The following MYOF variants were observed in gnomAD, a reference collection of about 807,000 sequenced individuals.
The protein encoded by MYOF is fer-1-like 3, myoferlin.
MYOF carries 244 observed loss-of-function variants against 284.2 expected under a neutral mutation model. The ratio of observed to expected loss-of-function variants is 0.86; its 90% confidence interval spans 0.77 to 0.95. The LOEUF is 0.95. Among genes scored for constraint, MYOF ranks in the 40% least tolerant of loss-of-function variants. The pLI is 0.00. For missense variants in MYOF, 2,496 were observed against 2,560.6 expected (o/e 0.97, Z 0.54); for synonymous variants, 904 against 919.7 (o/e 0.98, Z 0.31).
At chr10:93,336,146 G>T in intron 40 of MYOF, 100 bp from the exon 41 acceptor site, 1 of 1,366,296 alleles carries the variant, frequency 7.3e-7, no homozygotes, top group African/African-American at 1.5e-5. Context: ...GTTGTGGATG[G>T]GGCGACCGGA....
intron 39 of MYOF, among the ~76,000 whole-genome samples, chr10:93,339,180 T>A (rs1363718586): frequency 4.6e-5 from 7 of 151,996 alleles, no homozygotes; most frequent in African/African-American, 1.7e-4. Flanking sequence ...ACGAGGCTAC[T>A]TTTTGTATTT....
chr10:93,325,288 A>AT (rs999754555), intron 46 of MYOF, among the ~76,000 whole-genome samples: 2 of 152,106 alleles, frequency 1.3e-5, no homozygotes, highest in Admixed American at 6.5e-5. Flanking sequence ...CTGGAGTGGA[A>AT]TGTCCCCCAT....
In MYOF at chr10:93,333,832, C is replaced by T. The variant is rs762488103; in HGVS notation, c.4645G>A (p.Val1549Ile). ...PRQFRELPDS[V>I]PQECTVRIYI... ...ATCCTAACCGTGCATTCCTGTGGGA[C>T]GCTGTCAGGTAATTCCCGAAACTGT... The change falls in exon 42 of 54, where the codon GTC becomes ATC. Residue 1549 changes from valine (V) to isoleucine (I), a missense_variant. By Grantham distance (29) the Val-to-Ile change is conservative. Coordinates refer to ENST00000359263, the MANE Select transcript of MYOF (RefSeq NM_013451.4). The T allele has an allele frequency of 3.3e-5, 53 of 1,613,966 alleles. No individual in the cohort carries two copies. The highest frequency in any genetic ancestry group is 2.7e-4 in the East Asian group (12 of 44,880).
rs563103088 is a variant in MYOF at position 93,329,012 on chromosome 10, T to C, written c.4983-101A>G. 16 of 1,267,716 alleles carry C rather than the reference T, an allele frequency of 1.3e-5. 1 individual carries two copies. The East Asian group carries it at 2.3e-4, about 19-fold the overall frequency. The allele number at this position is 1,267,716 out of a possible 1,614,324, so 78.5% of individuals were successfully genotyped here. A position where few individuals can be genotyped will look rare whatever the true frequency, so the allele number is the denominator to read the frequency against. On this transcript the variant is annotated intron_variant, in intron 44 of 53. Coordinates refer to ENST00000359263, the MANE Select transcript of MYOF (RefSeq NM_013451.4). Reference sequence around the variant, plus strand: ...TGTACTCTTAGGTGCTCCCATATAGTGGGTGCAGAAAATCTGCGCTACACT... The same window carrying C: ...TGTACTCTTAGGTGCTCCCATATAGCGGGTGCAGAAAATCTGCGCTACACT...
intron 31 of MYOF, among the ~76,000 whole-genome samples, chr10:93,355,303 T>A (rs1844742720): frequency 1.3e-5 from 2 of 152,232 alleles, no homozygotes; most frequent in Non-Finnish European, 2.9e-5. Flanking sequence ...ATGTTTAAAA[T>A]TCACTGCTGG....
In MYOF at chr10:93,374,772, C is replaced by T; in HGVS notation, c.2292G>A (p.Leu764=). ...AGTTTAAAAGTCCTACCTCTTCAGT[C>T]AGCTGCATTAATTTATCAAGCCAGT... ...IEDWLDKLMQ[L]TEEPQNSMPD... Residue 764 remains leucine (L), a synonymous_variant, in exon 23 of 54, where the codon CTG becomes CTA. Coordinates refer to ENST00000359263, the MANE Select transcript of MYOF (RefSeq NM_013451.4). 1 of 1,613,648 alleles carries T rather than the reference C, an allele frequency of 6.2e-7. No homozygotes were observed. Among genetic ancestry groups the T allele is most frequent in the Non-Finnish European group, 8.5e-7 (1 of 1,179,832 alleles).
rs1844488916 is a variant in MYOF, at chr10:93,351,211, G to A, written c.3907C>T (p.Leu1303Phe). ...GAGCAGCATACCTCAATGGCAGTGA[G>A]CTGGACCACAGGCCTGATCCCCTGG... Reference protein sequence around the residue: ...VPQGIRPVVQLTAIEILAWGL... With the variant: ...VPQGIRPVVQFTAIEILAWGL... Residue 1303 changes from leucine to phenylalanine, a missense_variant, in exon 35 of 54, where the codon CTC (leucine) becomes TTC (phenylalanine). Leu to Phe is a conservative substitution (Grantham distance 22). Transcript: ENST00000359263. The A allele has an allele frequency of 1.2e-6, 2 of 1,614,066 alleles. No homozygotes were observed. Among genetic ancestry groups the A allele is most frequent in the South Asian group, 2.2e-5 (2 of 91,086 alleles).
chr10:93,478,840 A>AAGAAAGAAAGAAAGAAAG lies in MYOF; in HGVS notation c.88+3266_88+3267insCTTTCTTTCTTTCTTTCT, dbSNP rs10666333. 1.0e-3 allele frequency among the ~76,000 whole-genome samples: 81 copies of AAGAAAGAAAGAAAGAAAG among 78,070 alleles called. 2 individuals are homozygous for AAGAAAGAAAGAAAGAAAG. The highest frequency in any genetic ancestry group is 0.011 in the Middle Eastern group (2 of 174). The allele number at this position is 78,070 out of a possible 152,430, so 51.2% of individuals were successfully genotyped here. A position where few individuals can be genotyped will look rare whatever the true frequency, so the allele number is the denominator to read the frequency against. ...GAAACAGTCTCAAAAAAAAAAAAAAAAAAGAAAGAAAGAAAGAAAGGGTTT... is the reference window on the plus strand; with the variant it reads ...GAAACAGTCTCAAAAAAAAAAAAAAAAGAAAGAAAGAAAGAAAGAAAGAAAGAAAGAAAGAAAGGGTTT... On this transcript the variant is annotated intron_variant, in intron 1 of 53. Transcript: ENST00000359263.
At chr10:93,393,408 C>T (rs755616589) in intron 16 of MYOF, among the ~76,000 whole-genome samples, 14 of 152,010 alleles carry the variant, frequency 9.2e-5, no homozygotes, top group Admixed American at 3.3e-4. Flanking sequence ...GTTTCTTTGT[C>T]GGGGGGAGGG....
At chr10:93,349,705 T>C (rs1042684430) in intron 36 of MYOF, 103 bp downstream of exon 36, 54 of 1,361,536 alleles carry the variant, frequency 4.0e-5, no homozygotes, top group Non-Finnish European at 4.7e-5. Flanking sequence ...TTTTTCTATT[T>C]GTCAGGTTTT....
At chr10:93,316,997 G>A (rs1237666802) in intron 49 of MYOF, among the ~76,000 whole-genome samples, 184 bp from the exon 50 acceptor site, 2 of 151,470 alleles carry the variant, frequency 1.3e-5, no homozygotes, top group African/African-American at 4.9e-5. Flanking sequence ...CACAAGCTGG[G>A]CAACTGAAGG....
At chr10:93,390,827 A>G (rs1846641900) in intron 17 of MYOF, among the ~76,000 whole-genome samples, 1 of 152,068 alleles carries the variant, frequency 6.6e-6, no homozygotes, top group Non-Finnish European at 1.5e-5. Flanking sequence ...AAAAAAAAAG[A>G]GGAAGAAGTT....
At position 93,424,929 on chromosome 10, in the gene MYOF, A is replaced by ATTTTTT. The variant is rs11376911; in HGVS notation, c.433+1136_433+1141dup. Among the ~76,000 whole-genome samples the ATTTTTT allele has an allele frequency of 3.0e-3, 236 of 77,760 alleles. 51 individuals are homozygous for ATTTTTT. The East Asian group carries it at 0.079, about 26-fold the overall frequency. The allele number at this position is 77,760 out of a possible 152,430, so 51.0% of individuals were successfully genotyped here. A position where few individuals can be genotyped will look rare whatever the true frequency, so the allele number is the denominator to read the frequency against. Reference sequence around the variant, plus strand: ...ACTTCCTCCCAGGAGGGAGAATTCCATTTTTTTTTTTTTTTTTTTTTTTTT... The same window carrying ATTTTTT: ...ACTTCCTCCCAGGAGGGAGAATTCCATTTTTTTTTTTTTTTTTTTTTTTTTTTTTTT... On this transcript the variant is annotated intron_variant, in intron 5 of 53. Coordinates refer to ENST00000359263, the MANE Select transcript of MYOF (RefSeq NM_013451.4).
chr10:93,453,418 C>A (rs1191500254), intron 2 of MYOF, among the ~76,000 whole-genome samples: 3 of 152,122 alleles, frequency 2.0e-5, no homozygotes, highest in Non-Finnish European at 2.9e-5. Flanking sequence ...CCCGCCTTGA[C>A]CTCCCAAAGT....
At chr10:93,320,156 G>A (rs1253808548) in intron 48 of MYOF, 143 bp from the exon 49 acceptor site, 9 of 946,996 alleles carry the variant, frequency 9.5e-6, no homozygotes, top group Non-Finnish European at 1.1e-5. Context: ...CGGAGCTGGG[G>A]GTGATTTATG....
intron 3 of MYOF, among the ~76,000 whole-genome samples, chr10:93,440,151 T>C (rs2056199366): frequency 6.6e-6 from 1 of 152,252 alleles, no homozygotes; most frequent in East Asian, 1.9e-4. Flanking sequence ...CAGTGGCTCA[T>C]GCCTGTAATC....
At chr10:93,314,524 T>C (rs1156711759) in intron 50 of MYOF, among the ~76,000 whole-genome samples, 1 of 152,364 alleles carries the variant, frequency 6.6e-6, no homozygotes, top group Non-Finnish European at 1.5e-5. Flanking sequence ...GGCAAGAGTC[T>C]GGCCTTCAGC....
intron 1 of MYOF, among the ~76,000 whole-genome samples, chr10:93,460,377 GTTCA>G (rs1239520595): frequency 3.3e-5 from 5 of 152,202 alleles, no homozygotes; most frequent in Admixed American, 6.5e-5. Context: ...AGATTCATTT[GTTCA>G]TTCATTCATT....
chr10:93,404,229 C>A lies in MYOF; in HGVS notation c.730-10G>T. 1 of 1,613,606 alleles carries A rather than the reference C, an allele frequency of 6.2e-7. No homozygotes were observed. The highest frequency in any genetic ancestry group is 2.2e-5 in the East Asian group (1 of 44,870). On this transcript the variant is annotated splice_polypyrimidine_tract_variant and intron_variant, in intron 7 of 53. Transcript: ENST00000359263. ...CATTGTAGAAAAACAACTGCCAAAACAATAGAGCAGATGTTTAAATGTTAA... is the reference window on the plus strand; with the variant it reads ...CATTGTAGAAAAACAACTGCCAAAAAAATAGAGCAGATGTTTAAATGTTAA...
Sources: gnomAD v4.1 joint callset for allele counts (sites outside exome capture counted in the v4.1 genomes callset) on GRCh38, gnomAD v4.1.1 for gene constraint, MANE v1.5 for transcripts, NCBI Gene and HGNC (gene_info 2026-07-23, HGNC 2026-07-21) for gene names.